The following PAK6 variants were observed in gnomAD, a reference collection of about 807,000 sequenced individuals.
PAK6 encodes the protein serine/threonine-protein kinase PAK 6.
A neutral mutation model predicts 60.8 loss-of-function variants in PAK6; 33 were observed. The observed-to-expected ratio is 0.54, with a 90% CI of 0.41 to 0.73. The LOEUF (loss-of-function observed/expected upper bound fraction) is 0.73, where lower values mean the gene tolerates loss of function less well. Ranked by LOEUF, PAK6 falls within the 30% of genes least tolerant of loss-of-function variation. PAK6 has a pLI of 0.00. For synonymous variants in PAK6, 404 were observed against 378.5 expected (o/e 1.07, Z -0.78); for missense variants, 845 against 904.1 (o/e 0.93, Z 0.84).
At chr15:40,269,483 G>A (rs894270029) in intron 5 of PAK6, among the ~76,000 whole-genome samples, 1 of 152,224 alleles carries the variant, frequency 6.6e-6, no homozygotes, top group African/African-American at 2.4e-5. Flanking sequence ...TTCCCAAGAG[G>A]TCTATCACAT....
chr15:40,267,044 T>A (rs1595594888), intron 5 of PAK6: 2 of 152,736 alleles, frequency 1.3e-5, no homozygotes, highest in South Asian at 4.1e-4. Context: ...AGAAGGAAGG[T>A]GGGGAGTGCT....
intron 1 of PAK6, among the ~76,000 whole-genome samples, chr15:40,240,290 A>G (rs1353044843): frequency 1.3e-5 from 2 of 152,190 alleles, no homozygotes; most frequent in African/African-American, 2.4e-5. Context: ...GGACACATTC[A>G]GTGAGAAGGG....
At chr15:40,254,448 G>A (rs1488785240) in intron 3 of PAK6, among the ~76,000 whole-genome samples, 3 of 152,188 alleles carry the variant, frequency 2.0e-5, no homozygotes, top group African/African-American at 7.2e-5. Context: ...TCTGGACCTC[G>A]TGGTGACCCA....
chr15:40,261,186 C>A (rs1194561034), intron 3 of PAK6, among the ~76,000 whole-genome samples: 7 of 151,002 alleles, frequency 4.6e-5, no homozygotes, highest in Admixed American at 4.6e-4. Flanking sequence ...CCGCGCCTGG[C>A]CCTTTTTAAA....
At chr15:40,268,241 C>T (rs927325854) in intron 5 of PAK6, among the ~76,000 whole-genome samples, 1 of 152,134 alleles carries the variant, frequency 6.6e-6, no homozygotes, top group Non-Finnish European at 1.5e-5. Context: ...AAGCTGAGAC[C>T]CCCCGAGCTG....
At chr15:40,271,754 C>T (rs1217933464) in intron 5 of PAK6, among the ~76,000 whole-genome samples, 1 of 152,212 alleles carries the variant, frequency 6.6e-6, no homozygotes, top group Non-Finnish European at 1.5e-5. Flanking sequence ...CACTGCTCCC[C>T]ACCCCACTGC....
chr15:40,262,033 G>A (rs1481201375), intron 3 of PAK6, among the ~76,000 whole-genome samples: 1 of 137,490 alleles, frequency 7.3e-6, no homozygotes, highest in East Asian at 7.5e-4. Flanking sequence ...GGGGAGTTGG[G>A]GAGAGGGCTG....
chr15:40,274,301 C>A, intron 10 of PAK6, 25 bp downstream of exon 10: 1 of 1,564,522 alleles, frequency 6.4e-7, no homozygotes, highest in Non-Finnish European at 8.7e-7. Flanking sequence ...AAGGGTGCGA[C>A]CTCGCAGACC....
chr15:40,240,737 C>T (rs1405732981), intron 2 of PAK6, 56 bp downstream of exon 2: 1 of 420,568 alleles, frequency 2.4e-6, no homozygotes, highest in East Asian at 7.2e-5. Flanking sequence ...GACGGGGGTG[C>T]CAAGGTGTCC....
intron 2 of PAK6, chr15:40,251,967 G>A (rs1193794372): frequency 1.3e-5 from 2 of 158,286 alleles, no homozygotes; most frequent in African/African-American, 2.4e-5. Context: ...AGCCGCTCTG[G>A]GGGTGCGGGT....
intron 2 of PAK6, among the ~76,000 whole-genome samples, chr15:40,242,894 G>A (rs1392574805): frequency 6.6e-6 from 1 of 152,230 alleles, no homozygotes; most frequent in Non-Finnish European, 1.5e-5. Flanking sequence ...CTAGGTGCAA[G>A]CACTGGTGGC....
chr15:40,272,612 G>C (rs780988330), exon 6 of PAK6: 1 of 1,611,850 alleles, frequency 6.2e-7, no homozygotes, highest in Non-Finnish European at 8.5e-7. Context: ...ATTGGCGAGG[G>C]CTCCACCGGC....
chr15:40,265,935 C>T, exon 5 of PAK6: 2 of 1,606,574 alleles, frequency 1.2e-6, no homozygotes, highest in Non-Finnish European at 1.7e-6. Context: ...CTCCAACACC[C>T]TGCGTGGCCG....
intron 2 of PAK6, chr15:40,251,123 C>T (rs2038655145): frequency 6.6e-6 from 1 of 152,422 alleles, no homozygotes; most frequent in African/African-American, 2.4e-5. Flanking sequence ...AGAAAGAATC[C>T]GCGTGGGAAA....
chr15:40,274,023 A>C (rs1408913303), intron 9 of PAK6, 119 bp from the exon 10 acceptor site: 22 of 1,215,336 alleles, frequency 1.8e-5, no homozygotes, highest in Non-Finnish European at 2.6e-5. Flanking sequence ...GAGGAAGGAG[A>C]CAGACCCACC....
rs1342716327 is a variant in PAK6 at position 40,252,264 on chromosome 15, G to A, written c.-117-914G>A. On this transcript the variant is annotated intron_variant, in intron 2 of 10. Transcript: ENST00000560346. Reference sequence around the variant, plus strand: ...TGCATCTGCGATGCCAGTGAACGAGGTGATTACACACAGCCGGCGCTCAGC... The same window carrying A: ...TGCATCTGCGATGCCAGTGAACGAGATGATTACACACAGCCGGCGCTCAGC... 5 of 1,202,254 alleles carry A rather than the reference G, an allele frequency of 4.2e-6. No individual in the cohort carries two copies. In the South Asian group the frequency reaches 4.5e-5, roughly 11 times the overall value. The allele number at this position is 1,202,254 out of a possible 1,614,324, so 74.5% of individuals were successfully genotyped here.
intron 5 of PAK6, among the ~76,000 whole-genome samples, chr15:40,267,221 C>T (rs1357542709): frequency 1.3e-5 from 2 of 152,112 alleles, no homozygotes; most frequent in East Asian, 3.9e-4. Flanking sequence ...TCCCCTCCCT[C>T]CTGGGAGGGC....
At chr15:40,253,977 T>C (rs577825977) in intron 3 of PAK6, among the ~76,000 whole-genome samples, 12 of 152,304 alleles carry the variant, frequency 7.9e-5, no homozygotes, top group Middle Eastern at 3.4e-3. Flanking sequence ...GTGGCCGGTG[T>C]GGCATAGGTT....
intron 2 of PAK6, chr15:40,247,319 A>C (rs2038521975): frequency 6.6e-6 from 1 of 152,292 alleles, no homozygotes; most frequent in South Asian, 2.1e-4. Context: ...AAGAGCAGGC[A>C]CTGCAAAGCA....
Sources: gnomAD v4.1 joint callset for allele counts (sites outside exome capture counted in the v4.1 genomes callset) on GRCh38, gnomAD v4.1.1 for gene constraint, MANE v1.5 for transcripts, NCBI Gene and HGNC (gene_info 2026-07-23, HGNC 2026-07-21) for gene names.